Variants in DYNC2H1 observed in about 807,000 individuals in gnomAD.
DYNC2H1 encodes the protein cytoplasmic dynein 2 heavy chain 1.
DYNC2H1 carries 410 observed loss-of-function variants against 570.0 expected under a neutral mutation model. The observed-to-expected ratio is 0.72, with a 90% CI of 0.66 to 0.78. The LOEUF (loss-of-function observed/expected upper bound fraction) is 0.78, where lower values mean the gene tolerates loss of function less well. Among genes scored for constraint, DYNC2H1 ranks in the 30% least tolerant of loss-of-function variants. The pLI is 0.00. For synonymous variants in DYNC2H1, 1,688 were observed against 1,677.6 expected (o/e 1.01, Z -0.15); for missense variants, 4,865 against 5,046.4 (o/e 0.96, Z 1.09).
At position 103,461,065 on chromosome 11, in the gene DYNC2H1, G is replaced by A. The variant is rs1388205709; in HGVS notation, c.12648+4709G>A. ...CTCGACAGAACTTTTCCTCTCTCTGGTCCATTCATGTGAGCTATAAAAGCA... is the reference window on the plus strand; with the variant it reads ...CTCGACAGAACTTTTCCTCTCTCTGATCCATTCATGTGAGCTATAAAAGCA... On this transcript the variant is annotated intron_variant, in intron 87 of 88. Coordinates refer to ENST00000375735, the MANE Select transcript of DYNC2H1 (RefSeq NM_001377.3). This position sits in a 1 kb window ranked among gnomAD's most constrained non-coding sequence, Gnocchi z 4.8. Among the ~76,000 whole-genome samples the A allele has an allele frequency of 6.6e-6, 1 of 151,944 alleles. No individual in the cohort carries two copies. The highest frequency in any genetic ancestry group is 1.5e-5 in the Non-Finnish European group (1 of 67,986).
At chr11:103,286,728 G>A (rs914500908) in intron 74 of DYNC2H1, among the ~76,000 whole-genome samples, 1 of 152,144 alleles carries the variant, frequency 6.6e-6, no homozygotes, top group Admixed American at 6.5e-5. Flanking sequence ...CTAATAGTGA[G>A]TAACAGGGGA....
intron 84 of DYNC2H1, among the ~76,000 whole-genome samples, chr11:103,423,515 A>AT (rs1285325030): frequency 6.6e-6 from 1 of 151,762 alleles, no homozygotes; most frequent in Non-Finnish European, 1.5e-5. Context: ...CTTCACTAAA[A>AT]TTTTTTAGTG....
intron 54 of DYNC2H1, among the ~76,000 whole-genome samples, chr11:103,213,130 C>T (rs1412474347): frequency 1.3e-5 from 2 of 152,064 alleles, no homozygotes; most frequent in Non-Finnish European, 2.9e-5. Context: ...GGATGGGGTA[C>T]CATAATGGCC....
intron 74 of DYNC2H1, among the ~76,000 whole-genome samples, chr11:103,286,732 C>G (rs1866365442): frequency 6.6e-6 from 1 of 152,104 alleles, no homozygotes; most frequent in South Asian, 2.1e-4. Context: ...TAGTGAGTAA[C>G]AGGGGATTTT....
chr11:103,206,928 G>T (rs1267574022), intron 52 of DYNC2H1, among the ~76,000 whole-genome samples: 2 of 150,388 alleles, frequency 1.3e-5, no homozygotes, highest in Non-Finnish European at 3.0e-5. Context: ...AAATAGTTTT[G>T]TTTTTTTTTC....
At chr11:103,415,279 C>T (rs1943242361) in intron 84 of DYNC2H1, among the ~76,000 whole-genome samples, 2 of 152,110 alleles carry the variant, frequency 1.3e-5, no homozygotes, top group African/African-American at 4.8e-5. Flanking sequence ...GACTAAAACA[C>T]CAAAAGCAAT....
chr11:103,128,665 G>A (rs1430686502), intron 12 of DYNC2H1, among the ~76,000 whole-genome samples: 2 of 152,134 alleles, frequency 1.3e-5, no homozygotes, highest in African/African-American at 4.8e-5. Context: ...CTTGATTCCG[G>A]ACAACGTTTT....
Position 103,135,964 on chromosome 11 carries a change from T to G in DYNC2H1, c.2574+16T>G, listed in dbSNP as rs1859516898. ...CCAACATAAGGTATAGAACATGTAA[T>G]GTTCCATCCTTCCATCATAAAATTA... On this transcript the variant is annotated intron_variant, in intron 17 of 88. Transcript: ENST00000375735. 1 of 1,521,484 alleles carries G rather than the reference T, an allele frequency of 6.6e-7. No individual in the cohort carries two copies. Among genetic ancestry groups the G allele is most frequent in the African/African-American group, 1.4e-5 (1 of 72,202 alleles). The allele number at this position is 1,521,484 out of a possible 1,614,324, so 94.2% of individuals were successfully genotyped here. A position where few individuals can be genotyped will look rare whatever the true frequency, so the allele number is the denominator to read the frequency against.
At chr11:103,350,164 G>A (rs752010815) in intron 82 of DYNC2H1, among the ~76,000 whole-genome samples, 2 of 152,030 alleles carry the variant, frequency 1.3e-5, no homozygotes, top group Non-Finnish European at 2.9e-5. Context: ...AACTATTAAG[G>A]GGTGATGAGA....
intron 83 of DYNC2H1, among the ~76,000 whole-genome samples, chr11:103,371,581 A>C (rs991623028): frequency 6.6e-6 from 1 of 152,208 alleles, no homozygotes; most frequent in Non-Finnish European, 1.5e-5. Flanking sequence ...AGTAACATAC[A>C]ATGGAGCTCC....
chr11:103,332,674 T>C (rs965454134), intron 82 of DYNC2H1, among the ~76,000 whole-genome samples: 4 of 152,076 alleles, frequency 2.6e-5, no homozygotes, highest in African/African-American at 9.7e-5. Context: ...AAACCACAAA[T>C]TCTAACTCAG....
At chr11:103,273,777 C>T (rs1329409359) in intron 70 of DYNC2H1, among the ~76,000 whole-genome samples, 1 of 151,994 alleles carries the variant, frequency 6.6e-6, no homozygotes, top group Non-Finnish European at 1.5e-5. Flanking sequence ...ACATGGAAAC[C>T]CTTGTATCAA....
chr11:103,304,487 A>G, intron 76 of DYNC2H1, 108 bp from the exon 77 acceptor site: 1 of 1,188,514 alleles, frequency 8.4e-7, no homozygotes, highest in Non-Finnish European at 1.1e-6. Context: ...TTATTATTAA[A>G]GCCAGTTAGG....
At position 103,420,488 on chromosome 11, in the gene DYNC2H1, G is replaced by A. The variant is rs146878605; in HGVS notation, c.12367-15455G>A. 9.5e-3 allele frequency among the ~76,000 whole-genome samples: 1,445 copies of A among 152,144 alleles called. 15 individuals are homozygous for A. The highest frequency in any genetic ancestry group is 0.033 in the African/African-American group (1,365 of 41,528). Reference sequence around the variant, plus strand: ...AAGGGCAGTCACAGAGAAAGGACACGTCACTCACAAAGGGAAGCCCATCAG... The same window carrying A: ...AAGGGCAGTCACAGAGAAAGGACACATCACTCACAAAGGGAAGCCCATCAG... On this transcript the variant is annotated intron_variant, in intron 84 of 88. Transcript: ENST00000375735.
intron 54 of DYNC2H1, 67 bp from the exon 55 acceptor site, chr11:103,215,654 G>T: frequency 3.0e-6 from 4 of 1,320,074 alleles, no homozygotes; most frequent in South Asian, 1.7e-5. Flanking sequence ...TTTCTATAGG[G>T]CTTTATTTAC....
rs1445929973 is a variant in DYNC2H1 at position 103,252,280 on chromosome 11, C to T, written c.10043-1005C>T. On this transcript the variant is annotated intron_variant, in intron 65 of 88. Coordinates refer to ENST00000375735, the MANE Select transcript of DYNC2H1 (RefSeq NM_001377.3). The surrounding 1 kb of genome is among the most constrained non-coding windows in gnomAD (Gnocchi z 4.6). ...TGTTGATGGACATTCAGGTTGTTTC[C>T]ATGTCTTGGCTGTTGTGAATAATGC... 2.6e-5 allele frequency among the ~76,000 whole-genome samples: 4 copies of T among 151,932 alleles called. No individual in the cohort carries two copies. Among genetic ancestry groups the T allele is most frequent in the African/African-American group, 4.8e-5 (2 of 41,364 alleles).
chr11:103,161,110 A>G lies in DYNC2H1; in HGVS notation c.4491+66A>G, dbSNP rs530555592. On this transcript the variant is annotated intron_variant, in intron 29 of 88. Transcript: ENST00000375735. ...ACTATATATGAACTTTGTGTCTAAAATAATTTAGTCAATTTAGAGGGTAAA... is the reference window on the plus strand; with the variant it reads ...ACTATATATGAACTTTGTGTCTAAAGTAATTTAGTCAATTTAGAGGGTAAA... 4.1e-5 allele frequency: 37 copies of G among 910,802 alleles called. 1 individual carries two copies. In the South Asian group the frequency reaches 7.7e-4, roughly 19 times the overall value. 56.4% of individuals were successfully genotyped at this position (910,802 alleles called of 1,614,324 possible).
chr11:103,139,826 T>C (rs1465742205), intron 17 of DYNC2H1, among the ~76,000 whole-genome samples: 2 of 152,068 alleles, frequency 1.3e-5, no homozygotes, highest in African/African-American at 2.4e-5. Context: ...GTTAAAGTCT[T>C]CCATTATTAT....
Position 103,116,662 on chromosome 11 carries a change from A to C in DYNC2H1, c.714A>C (p.Thr238=). Residue 238 remains threonine (T), a synonymous_variant, in exon 5 of 89, where the codon ACA becomes ACC. Coordinates refer to ENST00000375735, the MANE Select transcript of DYNC2H1 (RefSeq NM_001377.3). ...TTGTAGATGATGTGTGGAGACAAAC[A>C]GAACATGATCATTATCCTGAGTCAC... is the stretch of plus-strand genomic sequence containing the variant. ...QDVVDDVWRQ[T]EHDHYPESRM... 1 of 1,609,472 alleles carries C rather than the reference A, an allele frequency of 6.2e-7. No individual in the cohort carries two copies. Among genetic ancestry groups the C allele is most frequent in the Non-Finnish European group, 8.5e-7 (1 of 1,177,320 alleles).
Sources: allele counts gnomAD v4.1 joint callset (sites outside exome capture counted in the v4.1 genomes callset), GRCh38; gene constraint gnomAD v4.1.1; non-coding constraint Gnocchi (gnomAD v3.1); transcripts MANE v1.5; gene names NCBI Gene and HGNC (gene_info 2026-07-23, HGNC 2026-07-21).